ATXN1: variants seen among roughly 807,000 people sequenced by gnomAD.
The protein encoded by ATXN1 is ataxin-1.
ATXN1 carries 8 observed loss-of-function variants against 56.4 expected under a neutral mutation model. The ratio of observed to expected loss-of-function variants is 0.14; its 90% CI spans 0.08 to 0.26. The LOEUF is 0.26. Ranked by LOEUF, ATXN1 falls within the 10% of genes least tolerant of loss-of-function variation. ATXN1 has a pLI of 1.00. For synonymous variants in ATXN1, 514 were observed against 494.6 expected (o/e 1.04, Z -0.52); for missense variants, 987 against 1,106.5 (o/e 0.89, Z 1.53).
intron 2 of ATXN1, among the ~76,000 whole-genome samples, chr6:16,698,612 T>A (rs1272454707): frequency 2.0e-5 from 3 of 147,418 alleles, no homozygotes; most frequent in Non-Finnish European, 4.5e-5. Flanking sequence ...AAATGTTAAA[T>A]TTTCAAGGCA....
chr6:16,491,090 A>ATTTTTTTTTTTTT (rs35884389), intron 5 of ATXN1, among the ~76,000 whole-genome samples: 1 of 78,312 alleles, frequency 1.3e-5, no homozygotes, highest in Non-Finnish European at 2.2e-5. Flanking sequence ...GGATCCCTGG[A>ATTTTTTTTTTTTT]TTTTTTTTTT....
chr6:16,572,334 A>C (rs917244231), intron 4 of ATXN1, among the ~76,000 whole-genome samples: 1 of 152,206 alleles, frequency 6.6e-6, no homozygotes, highest in Non-Finnish European at 1.5e-5. Flanking sequence ...TATAATGTTG[A>C]CTGAGAAAGG....
At chr6:16,591,504 A>G (rs1757463105) in intron 3 of ATXN1, among the ~76,000 whole-genome samples, 1 of 152,236 alleles carries the variant, frequency 6.6e-6, no homozygotes, top group Non-Finnish European at 1.5e-5. Context: ...TCTTAGTAAT[A>G]TAAGGCAAAA....
chr6:16,339,290 T>C (rs1411850263), intron 6 of ATXN1, among the ~76,000 whole-genome samples: 3 of 152,112 alleles, frequency 2.0e-5, no homozygotes, highest in African/African-American at 7.2e-5. Context: ...AAACTCTCCA[T>C]CAAGTCAGGA....
At chr6:16,704,616 CTTT>C (rs1046533709) in intron 2 of ATXN1, among the ~76,000 whole-genome samples, 1 of 152,196 alleles carries the variant, frequency 6.6e-6, no homozygotes, top group African/African-American at 2.4e-5. Flanking sequence ...AATTTCTGCA[CTTT>C]TTTACTTTTC....
chr6:16,389,149 C>A (rs1279021304), intron 6 of ATXN1, among the ~76,000 whole-genome samples: 1 of 151,830 alleles, frequency 6.6e-6, no homozygotes, highest in Non-Finnish European at 1.5e-5. Flanking sequence ...CCAGCCTGAC[C>A]AACATGGTGA....
intron 6 of ATXN1, among the ~76,000 whole-genome samples, chr6:16,406,512 C>A (rs1331314264): frequency 2.6e-5 from 4 of 152,134 alleles, no homozygotes; most frequent in African/African-American, 9.7e-5. Context: ...GATTTTCCTC[C>A]CCATCTAATT....
At chr6:16,741,398 G>A (rs976496969) in intron 2 of ATXN1, among the ~76,000 whole-genome samples, 4 of 152,148 alleles carry the variant, frequency 2.6e-5, no homozygotes, top group Non-Finnish European at 5.9e-5. Context: ...TCCTACAAGA[G>A]AAACAGGAAA....
chr6:16,714,435 T>C (rs1270379174), intron 2 of ATXN1, among the ~76,000 whole-genome samples: 2 of 152,202 alleles, frequency 1.3e-5, no homozygotes, highest in East Asian at 3.8e-4. Flanking sequence ...TTTTCCAATC[T>C]ATTCCTTTTT....
chr6:16,504,838 A>G (rs1453705629), intron 5 of ATXN1, among the ~76,000 whole-genome samples: 2 of 152,088 alleles, frequency 1.3e-5, no homozygotes, highest in African/African-American at 4.8e-5. Context: ...CTGCACCAAC[A>G]TTCAACCAGC....
At chr6:16,685,749 A>G (rs925309015) in intron 2 of ATXN1, among the ~76,000 whole-genome samples, 1 of 152,216 alleles carries the variant, frequency 6.6e-6, no homozygotes, top group African/African-American at 2.4e-5. Flanking sequence ...TTCATTCTTT[A>G]AACTGTAAAA....
chr6:16,620,895 T>C (rs576326964), intron 3 of ATXN1, among the ~76,000 whole-genome samples: 1 of 152,308 alleles, frequency 6.6e-6, no homozygotes, highest in East Asian at 1.9e-4. Flanking sequence ...GAGAACTCTC[T>C]GGGGCCCTTT....
chr6:16,745,201 C>T (rs1333271708), intron 2 of ATXN1, among the ~76,000 whole-genome samples: 2 of 152,156 alleles, frequency 1.3e-5, no homozygotes, highest in Non-Finnish European at 2.9e-5. Context: ...ATTGGTACAG[C>T]CTTTTAGAAA....
intron 3 of ATXN1, among the ~76,000 whole-genome samples, chr6:16,649,793 A>G (rs965266980): frequency 1.3e-5 from 2 of 152,202 alleles, no homozygotes; most frequent in Non-Finnish European, 2.9e-5. Context: ...GTAAATATTT[A>G]TTAAACTGTA....
rs374767624 is a variant in ATXN1 at position 16,542,207 on chromosome 6, G to A, written c.-360-19519C>T. On this transcript the variant is annotated intron_variant, in intron 4 of 7. Transcript: ENST00000436367. Reference sequence around the variant, plus strand: ...GTGGGTGAACAGAGGAGGGAGAAGCGCCCAGGCTTCCAATGGGTTCTCTGC... The same window carrying A: ...GTGGGTGAACAGAGGAGGGAGAAGCACCCAGGCTTCCAATGGGTTCTCTGC... Among the ~76,000 whole-genome samples the A allele has an allele frequency of 3.2e-4, 49 of 152,212 alleles. No individual in the cohort carries two copies. The South Asian group carries it at 5.0e-3, about 15-fold the overall frequency.
chr6:16,734,155 G>A (rs568806062), intron 2 of ATXN1, among the ~76,000 whole-genome samples: 69 of 152,294 alleles, frequency 4.5e-4, no homozygotes, highest in Non-Finnish European at 7.2e-4. Context: ...TGACAAGCTT[G>A]TGAGAGATCT....
intron 7 of ATXN1, among the ~76,000 whole-genome samples, chr6:16,325,331 C>T (rs179991): frequency 0.65 from 98,936 of 151,598 alleles, 33,161 homozygotes; most frequent in African/African-American, 0.82. Flanking sequence ...TTGGCCAGGC[C>T]GGTCTCGAAC....
At chr6:16,465,459 A>AAAAAC (rs757039003) in intron 6 of ATXN1, among the ~76,000 whole-genome samples, 10 of 152,282 alleles carry the variant, frequency 6.6e-5, no homozygotes, top group East Asian at 3.9e-4. Flanking sequence ...TTCCATTTCC[A>AAAAAC]AAAACAAAAC....
At position 16,439,267 on chromosome 6, in the gene ATXN1, C is replaced by T. The variant is rs1361390496; in HGVS notation, c.-161+46705G>A. Among the ~76,000 whole-genome samples, 5 of 147,734 alleles carry T rather than the reference C, an allele frequency of 3.4e-5. No individual in the cohort carries two copies. In the East Asian group the frequency reaches 1.0e-3, roughly 31 times the overall value. On this transcript the variant is annotated intron_variant, in intron 6 of 7. Coordinates refer to ENST00000436367, the MANE Select transcript of ATXN1 (RefSeq NM_001128164.2). ...AAAGCCAAAAAGAAAAATGTGATGT[C>T]AATGGCAATTTGGCAACTACATTTG...
Sources: allele counts gnomAD v4.1 joint callset (sites outside exome capture counted in the v4.1 genomes callset), GRCh38; gene constraint gnomAD v4.1.1; transcripts MANE v1.5; gene names NCBI Gene and HGNC (gene_info 2026-07-23, HGNC 2026-07-21).